HECTD4: variants seen among roughly 807,000 people sequenced by gnomAD.
HECTD4 encodes the protein probable E3 ubiquitin-protein ligase HECTD4.
In HECTD4, 114 loss-of-function variants were observed where a neutral mutation model predicts 471.5. The ratio of observed to expected loss-of-function variants is 0.24; its 90% CI spans 0.21 to 0.28. The LOEUF is 0.28. Among genes scored for constraint, HECTD4 ranks in the 10% least tolerant of loss-of-function variants. HECTD4 has a pLI of 1.00. For missense variants in HECTD4, 3,866 were observed against 5,651.5 expected (o/e 0.68, Z 10.13); for synonymous variants, 2,012 against 2,256.0 (o/e 0.89, Z 3.07).
chr12:112,239,764 T>A lies in HECTD4; in HGVS notation c.5105+117A>T, dbSNP rs966204725. ...TGTCTTTCAGGAGAAAAGTTTTGTA[T>A]AGCTAGCTCTGGATAATGAAAGCAA... On this transcript the variant is annotated intron_variant, in intron 33 of 75. Transcript: ENST00000682272. This position sits in a 1 kb window ranked among gnomAD's most constrained non-coding sequence, Gnocchi z 4.9. The A allele has an allele frequency of 3.3e-6, 3 of 913,878 alleles. No homozygotes were observed. The highest frequency in any genetic ancestry group is 3.0e-5 in the Admixed American group (1 of 33,766). 56.6% of individuals were successfully genotyped at this position (913,878 alleles called of 1,614,324 possible).
rs1277666312 is a variant in HECTD4, at chr12:112,254,180, T to C, written c.3328-18A>G. 2.5e-6 allele frequency: 4 copies of C among 1,613,486 alleles called. No individual in the cohort carries two copies. The highest frequency in any genetic ancestry group is 1.3e-5 in the African/African-American group (1 of 74,928). On this transcript the variant is annotated intron_variant, in intron 21 of 75. Coordinates refer to ENST00000682272, the MANE Select transcript of HECTD4 (RefSeq NM_001388303.1). ...ATCACCAACTTCAAAACAGAAAATATACTGTTAGACTGTAAAAGAAAAACA... is the reference window on the plus strand; with the variant it reads ...ATCACCAACTTCAAAACAGAAAATACACTGTTAGACTGTAAAAGAAAAACA...
At chr12:112,379,750 C>T (rs1291616592) in intron 1 of HECTD4, among the ~76,000 whole-genome samples, 1 of 151,212 alleles carries the variant, frequency 6.6e-6, no homozygotes, top group Admixed American at 6.6e-5. Context: ...AATACACCCA[C>T]ACAAACACAA....
intron 49 of HECTD4, among the ~76,000 whole-genome samples, chr12:112,211,248 G>A (rs920378085): frequency 3.3e-5 from 5 of 152,112 alleles, no homozygotes; most frequent in African/African-American, 1.2e-4. Flanking sequence ...ATGTTGCCTA[G>A]GCTGGAGTAC....
intron 11 of HECTD4, among the ~76,000 whole-genome samples, chr12:112,272,523 C>T (rs554928755): frequency 1.4e-4 from 21 of 152,322 alleles, no homozygotes; most frequent in Non-Finnish European, 2.1e-4. Flanking sequence ...GCAAAGTTCA[C>T]GCGGTTTTAA....
At chr12:112,200,822 T>C in intron 54 of HECTD4, 24 bp from the exon 55 acceptor site, 1 of 1,601,580 alleles carries the variant, frequency 6.2e-7, no homozygotes, top group East Asian at 2.2e-5. Context: ...AGAAAATGTC[T>C]GTTTGTGCTG....
chr12:112,312,889 G>A (rs938957952), intron 4 of HECTD4, 128 bp downstream of exon 4: 1 of 698,198 alleles, frequency 1.4e-6, no homozygotes. Context: ...TGAACATACT[G>A]AATAGAAATC....
rs2035182153 is a variant in HECTD4 at position 112,302,323 on chromosome 12, G to C, written c.1335+3741C>G. ...TGCCAGCAGCTTTCTTCTCAGCCTG[G>C]GCCAACAGCCTCTGCTTCTTCTCTT... On this transcript the variant is annotated intron_variant, in intron 7 of 75. Transcript: ENST00000682272. 6 of 758,976 alleles carry C rather than the reference G, an allele frequency of 7.9e-6. No homozygotes were observed. In the Admixed American group the frequency reaches 9.1e-5, roughly 12 times the overall value. The allele number at this position is 758,976 out of a possible 1,614,324, so 47.0% of individuals were successfully genotyped here. A position where few individuals can be genotyped will look rare whatever the true frequency, so the allele number is the denominator to read the frequency against.
Position 112,194,011 on chromosome 12 carries a change from C to G in HECTD4, c.8750-337G>C, listed in dbSNP as rs1287065391. Among the ~76,000 whole-genome samples the G allele has an allele frequency of 6.6e-6, 1 of 152,222 alleles. No homozygotes were observed. The highest frequency in any genetic ancestry group is 1.5e-5 in the Non-Finnish European group (1 of 68,036). On this transcript the variant is annotated intron_variant, in intron 56 of 75. Coordinates refer to ENST00000682272, the MANE Select transcript of HECTD4 (RefSeq NM_001388303.1). The surrounding 1 kb of genome is among the most constrained non-coding windows in gnomAD (Gnocchi z 4.6). ...CCAGAGCCTGACCTGTCTGACTACT[C>G]TGGCCCACCCCCGCAGGGTACCTTA...
In HECTD4 at chr12:112,229,752, T is replaced by C. The variant is rs555973962; in HGVS notation, c.6465A>G (p.Ala2155=). The part of the protein sequence containing the change: ...LQRIARQAVA[A]LCALGGFKET... Reference sequence around the variant, plus strand: ...CTTTGAAGCCTCCAAGTGCACACAGTGCGGCAACGGCCTGGCGTGCAATTC... The same window carrying C: ...CTTTGAAGCCTCCAAGTGCACACAGCGCGGCAACGGCCTGGCGTGCAATTC... Residue 2155 remains alanine (A), a synonymous_variant, in exon 41 of 76, where the codon GCA becomes GCG. Transcript: ENST00000682272. 5.6e-6 allele frequency: 9 copies of C among 1,614,040 alleles called. No homozygotes were observed. The highest frequency in any genetic ancestry group is 2.2e-5 in the South Asian group (2 of 91,086).
chr12:112,209,894 G>C (rs2032710009), intron 50 of HECTD4, 121 bp downstream of exon 50: 3 of 779,002 alleles, frequency 3.9e-6, no homozygotes, highest in Non-Finnish European at 6.4e-6. Flanking sequence ...TTACCAATGG[G>C]CACGTGAGTT....
At chr12:112,367,820 C>CAAAAAAAAA (rs59590181) in intron 1 of HECTD4, among the ~76,000 whole-genome samples, 2 of 12,576 alleles carry the variant, frequency 1.6e-4, no homozygotes, top group East Asian at 1.5e-3. Flanking sequence ...GACTCCATCT[C>CAAAAAAAAA]AAAAAAAAAA....
intron 1 of HECTD4, among the ~76,000 whole-genome samples, chr12:112,348,548 A>G (rs1186191240): frequency 1.3e-5 from 2 of 152,148 alleles, no homozygotes; most frequent in Non-Finnish European, 2.9e-5. Flanking sequence ...GCTTGAGGCC[A>G]AGAATTTGAG....
intron 43 of HECTD4, among the ~76,000 whole-genome samples, chr12:112,227,707 C>T (rs1276741028): frequency 2.6e-5 from 4 of 151,892 alleles, no homozygotes; most frequent in East Asian, 3.9e-4. Context: ...GGCACCATCT[C>T]GGCTCACTGC....
chr12:112,314,684 T>C (rs1204793833), intron 2 of HECTD4, 138 bp from the exon 3 acceptor site: 1 of 601,490 alleles, frequency 1.7e-6, no homozygotes, highest in African/African-American at 1.9e-5. Flanking sequence ...TGATGTGTTG[T>C]AAAAAAAATA....
rs1593906578 is a variant in HECTD4, at chr12:112,184,804, C to A, written c.10162G>T (p.Ala3388Ser). The A allele has an allele frequency of 6.2e-7, 1 of 1,610,460 alleles. No individual in the cohort carries two copies. The highest frequency in any genetic ancestry group is 1.3e-5 in the African/African-American group (1 of 75,010). ...CTGTGGGCGGTGGGGCCCACCAGGG[C>A]CTGGCAGGCATCGGCGATGGCGTCA... Reference protein sequence around the residue: ...TSDAIADACQALVGPTAHSRL... With the variant: ...TSDAIADACQSLVGPTAHSRL... Residue 3388 changes from alanine to serine, a missense_variant, in exon 61 of 76, where the codon GCC becomes TCC. This residue lies in a region of HECTD4 where 71 missense variants were observed against 144.5 expected (regional missense o/e 0.49). Coordinates refer to ENST00000682272, the MANE Select transcript of HECTD4 (RefSeq NM_001388303.1). The surrounding 1 kb of genome is among the most constrained non-coding windows in gnomAD (Gnocchi z 9.1).
At chr12:112,233,176 C>T (rs2033422883) in intron 37 of HECTD4, 91 bp from the exon 38 acceptor site, 1 of 823,510 alleles carries the variant, frequency 1.2e-6, no homozygotes, top group Non-Finnish European at 2.0e-6. Context: ...CATGGTGAGG[C>T]CCTATTATAC....
rs2032176850 is a variant in HECTD4 at position 112,194,543 on chromosome 12, T to C, written c.8749+342A>G. On this transcript the variant is annotated intron_variant, in intron 56 of 75. Transcript: ENST00000682272. This position sits in a 1 kb window ranked among gnomAD's most constrained non-coding sequence, Gnocchi z 4.6. ...ATAGGTCTGCTTTGGAGGACGCTGA[T>C]GACAGGAACATCTCCTTTCTTTCTA... 6.6e-6 allele frequency among the ~76,000 whole-genome samples: 1 copy of C among 152,264 alleles called. No individual in the cohort carries two copies. The highest frequency in any genetic ancestry group is 2.4e-5 in the African/African-American group (1 of 41,476).
intron 4 of HECTD4, among the ~76,000 whole-genome samples, chr12:112,311,678 T>C (rs1399767249): frequency 6.7e-6 from 1 of 149,538 alleles, no homozygotes; most frequent in Non-Finnish European, 1.5e-5. Context: ...AAGAAAACCA[T>C]TTCTCCCTAG....
intron 10 of HECTD4, among the ~76,000 whole-genome samples, chr12:112,274,355 G>A (rs1471526345): frequency 6.6e-6 from 1 of 152,040 alleles, no homozygotes; most frequent in Non-Finnish European, 1.5e-5. Context: ...TTATTCAGAG[G>A]AATTTTACAT....
Sources: gnomAD v4.1 joint callset for allele counts (sites outside exome capture counted in the v4.1 genomes callset) on GRCh38, gnomAD v4.1.1 for gene constraint, gnomAD v4.1.1 regional missense constraint, Gnocchi (gnomAD v3.1) non-coding constraint, MANE v1.5 for transcripts, NCBI Gene and HGNC (gene_info 2026-07-23, HGNC 2026-07-21) for gene names.